The following RGS3 variants were observed in gnomAD, a reference collection of about 807,000 sequenced individuals.
The protein encoded by RGS3 is regulator of G protein signaling 3, also known as regulator of G-protein signalling 3.
A neutral mutation model predicts 132.6 loss-of-function variants in RGS3; 80 were observed. That is an observed-to-expected ratio of 0.60 (90% CI 0.50 to 0.73). The LOEUF is 0.73. Among genes scored for constraint, RGS3 ranks in the 30% least tolerant of loss-of-function variants. The probability of loss-of-function intolerance (pLI) is 0.00; values close to 1 mark genes in which losing one functional copy is unlikely to be tolerated. For synonymous variants in RGS3, 598 were observed against 620.6 expected (o/e 0.96, Z 0.54); for missense variants, 1,382 against 1,530.8 (o/e 0.90, Z 1.62).
intron 7 of RGS3, among the ~76,000 whole-genome samples, chr9:113,492,737 GTCTT>G (rs1830559491): frequency 1.3e-5 from 2 of 152,162 alleles, no homozygotes; most frequent in Admixed American, 1.3e-4. Flanking sequence ...TTTAAAAGAA[GTCTT>G]TCTTCCTCCA....
chr9:113,483,463 G>C (rs962097205), intron 5 of RGS3, among the ~76,000 whole-genome samples: 2 of 152,242 alleles, frequency 1.3e-5, no homozygotes, highest in Non-Finnish European at 2.9e-5. Context: ...ACTAGGGGCA[G>C]GATGGCCAGA....
chr9:113,506,559 C>G lies in RGS3; in HGVS notation c.1085+66C>G, dbSNP rs1344561196. ...GGCACACCCTCCCCACCCCTGGGCA[C>G]ACTGCCTTGCCTGGCCCAGCTCTTG... is the stretch of plus-strand genomic sequence containing the variant. On this transcript the variant is annotated intron_variant, in intron 12 of 24. Transcript: ENST00000350696. The surrounding 1 kb of genome is among the most constrained non-coding windows in gnomAD (Gnocchi z 4.7). 34 of 1,077,986 alleles carry G rather than the reference C, an allele frequency of 3.2e-5. No homozygotes were observed. Among genetic ancestry groups the G allele is most frequent in the Non-Finnish European group, 4.5e-5 (32 of 718,472 alleles). 66.8% of individuals were successfully genotyped at this position (1,077,986 alleles called of 1,614,324 possible).
intron 19 of RGS3, among the ~76,000 whole-genome samples, chr9:113,553,204 G>A (rs1342760677): frequency 6.6e-6 from 1 of 151,572 alleles, no homozygotes; most frequent in East Asian, 1.9e-4. Flanking sequence ...CACTTTGGGA[G>A]GCTGAGGTGG....
At chr9:113,457,529 T>C (rs1314108622), upstream of RGS3, among the ~76,000 whole-genome samples, 1 of 152,226 alleles carries the variant, frequency 6.6e-6, no homozygotes, top group East Asian at 1.9e-4. Flanking sequence ...ACTTGTTGAA[T>C]TGAACTTTAA....
At chr9:113,514,143 A>C (rs1831531799) in intron 14 of RGS3, among the ~76,000 whole-genome samples, 1 of 152,182 alleles carries the variant, frequency 6.6e-6, no homozygotes, top group Non-Finnish European at 1.5e-5. Flanking sequence ...CCAAAATGGA[A>C]ATTCTGATCC....
intron 19 of RGS3, among the ~76,000 whole-genome samples, chr9:113,551,074 T>C (rs7853373): frequency 0.12 from 18,098 of 152,206 alleles, 1,301 homozygotes; most frequent in African/African-American, 0.19. Flanking sequence ...AATTTTAGAA[T>C]ATTTTCATTA....
chr9:113,572,243 C>T (rs1272658624), intron 19 of RGS3, among the ~76,000 whole-genome samples: 1 of 151,894 alleles, frequency 6.6e-6, no homozygotes, highest in African/African-American at 2.4e-5. Flanking sequence ...GAGCAGGAGA[C>T]CAATATAGGC....
chr9:113,565,880 T>TGA lies in RGS3; in HGVS notation c.2038-17569_2038-17568insAG, dbSNP rs1833979661. 1 of 139,958 alleles carries TGA rather than the reference T, an allele frequency of 7.1e-6. No individual in the cohort carries two copies. Among genetic ancestry groups the TGA allele is most frequent in the Non-Finnish European group, 1.5e-5 (1 of 64,762 alleles). The allele number at this position is 139,958 out of a possible 1,614,324, so 8.7% of individuals were successfully genotyped here. ...TGCTCTGTTCTGAGATAGCTCTGTGTGTGTGTGTGTGTGTGTGTGTGTGTG... is the reference window on the plus strand; with the variant it reads ...TGCTCTGTTCTGAGATAGCTCTGTGTGAGTGTGTGTGTGTGTGTGTGTGTGTG... On this transcript the variant is annotated intron_variant, in intron 19 of 24. Coordinates refer to ENST00000350696, the Ensembl canonical transcript of RGS3. The surrounding 1 kb of genome is among the most constrained non-coding windows in gnomAD (Gnocchi z 5.7).
At chr9:113,511,550 C>T (rs1209394448) in intron 14 of RGS3, among the ~76,000 whole-genome samples, 1 of 152,128 alleles carries the variant, frequency 6.6e-6, no homozygotes, top group Non-Finnish European at 1.5e-5. Flanking sequence ...GACCAGTCAC[C>T]CTACCATTCC....
At position 113,556,629 on chromosome 9, in the gene RGS3, C is replaced by T. The variant is rs959298316; in HGVS notation, c.2037+19711C>T. 2.6e-5 allele frequency among the ~76,000 whole-genome samples: 4 copies of T among 152,308 alleles called. No homozygotes were observed. The East Asian group carries it at 7.7e-4, about 29-fold the overall frequency. On this transcript the variant is annotated intron_variant, in intron 19 of 24. Transcript: ENST00000350696. ...GTCCTTAGCTGCTAAACTATACTCC[C>T]TGCCTGTCGGGTCCCAACCCCAGAG... is the stretch of plus-strand genomic sequence containing the variant.
intron 1 of RGS3, among the ~76,000 whole-genome samples, chr9:113,445,964 C>A (rs1829090684): frequency 6.6e-6 from 1 of 152,146 alleles, no homozygotes; most frequent in South Asian, 2.1e-4. Context: ...CAGGCGTGAC[C>A]CACCGTGCCC....
chr9:113,567,982 T>G lies in RGS3; in HGVS notation c.2038-15468T>G, dbSNP rs1284932490. On this transcript the variant is annotated intron_variant, in intron 19 of 24. Coordinates refer to ENST00000350696, the Ensembl canonical transcript of RGS3. Reference sequence around the variant, plus strand: ...GCTTCCCATTGGCCTCTTAAGGCCCTGGAGATGGCAGTCTCTTTGCCTTCT... The same window carrying G: ...GCTTCCCATTGGCCTCTTAAGGCCCGGGAGATGGCAGTCTCTTTGCCTTCT... 2.0e-5 allele frequency among the ~76,000 whole-genome samples: 3 copies of G among 152,344 alleles called. No individual in the cohort carries two copies. In the East Asian group the frequency reaches 5.8e-4, roughly 29 times the overall value.
intron 1 of RGS3, among the ~76,000 whole-genome samples, chr9:113,446,744 C>T (rs1192611246): frequency 1.3e-5 from 2 of 152,064 alleles, no homozygotes; most frequent in Admixed American, 1.3e-4. Flanking sequence ...ATTTTGATGA[C>T]CATTGAAAGG....
In RGS3 at chr9:113,536,457, G is replaced by A. The variant is rs921307470; in HGVS notation, c.1915-339G>A. The stretch of plus-strand genomic sequence containing the variant: ...CCCTGGCCCTCTGGGCTTCCCACGT[G>A]CTCCCTCAGCTGCTGCTTTGTGCTG... On this transcript the variant is annotated intron_variant, in intron 18 of 24. Transcript: ENST00000350696. The A allele has an allele frequency of 2.0e-5, 20 of 1,017,360 alleles. 1 individual carries two copies. In the East Asian group the frequency reaches 4.8e-4, roughly 24 times the overall value. 63.0% of individuals were successfully genotyped at this position (1,017,360 alleles called of 1,614,324 possible).
intron 6 of RGS3, 124 bp from the exon 5 acceptor site, chr9:113,485,501 T>C: frequency 1.6e-6 from 1 of 645,066 alleles, no homozygotes; most frequent in South Asian, 2.0e-5. Context: ...ATTTGTAATA[T>C]AGTTTATTTA....
At chr9:113,482,771 C>T (rs2119222319) in intron 4 of RGS3, among the ~76,000 whole-genome samples, 1 of 152,314 alleles carries the variant, frequency 6.6e-6, no homozygotes, top group African/African-American at 2.4e-5. Flanking sequence ...TCTCTTCCAG[C>T]TGTAAGATTC....
At chr9:113,557,697 T>C (rs1459038550) in intron 19 of RGS3, among the ~76,000 whole-genome samples, 5 of 152,176 alleles carry the variant, frequency 3.3e-5, no homozygotes, top group Admixed American at 6.5e-5. Context: ...ACACCAATCA[T>C]GAACAGCATA....
chr9:113,539,372 C>T (rs1384171325), intron 19 of RGS3, among the ~76,000 whole-genome samples: 1 of 152,168 alleles, frequency 6.6e-6, no homozygotes, highest in Non-Finnish European at 1.5e-5. Flanking sequence ...TGCAGTGGTG[C>T]GATCTCAGCT....
At chr9:113,589,976 C>T (rs1295130694) in intron 20 of RGS3, 2 of 152,230 alleles carry the variant, frequency 1.3e-5, no homozygotes. Flanking sequence ...ACGGTGTGTG[C>T]CTCTGTGTGC....
Sources: gnomAD v4.1 joint callset for allele counts (sites outside exome capture counted in the v4.1 genomes callset) on GRCh38, gnomAD v4.1.1 for gene constraint, Gnocchi (gnomAD v3.1) non-coding constraint, MANE v1.5 for transcripts, NCBI Gene and HGNC (gene_info 2026-07-23, HGNC 2026-07-21) for gene names.